OS9: variants seen among roughly 807,000 people sequenced by gnomAD.
The protein encoded by OS9 is OS9 endoplasmic reticulum lectin.
OS9 carries 58 observed loss-of-function variants against 84.7 expected under a neutral mutation model. That is an observed-to-expected ratio of 0.68 (90% CI 0.55 to 0.85). OS9 has a LOEUF of 0.85. Among genes scored for constraint, OS9 ranks in the 40% least tolerant of loss-of-function variants. OS9 has a pLI of 0.00. For synonymous variants in OS9, 278 were observed against 320.8 expected (o/e 0.87, Z 1.43); for missense variants, 760 against 850.9 (o/e 0.89, Z 1.33).
intron 5 of OS9, among the ~76,000 whole-genome samples, chr12:57,710,173 C>T (rs1056174053): frequency 6.6e-6 from 1 of 152,128 alleles, no homozygotes; most frequent in African/African-American, 2.4e-5. Context: ...TTTTTAACTA[C>T]TGATTCATTT....
Position 57,720,158 on chromosome 12 carries a change from A to C in OS9, c.1660A>C (p.Asn554His). The change falls in exon 13 of 15, where the codon AAT becomes CAT. Residue 554 changes from asparagine (N) to histidine (H), a missense_variant. Transcript: ENST00000315970. The part of the protein sequence containing the change: ...RVTKLRLGGP[N>H]QDLTVLEMKR... ...CACCAAGCTCCGTCTCGGAGGCCCT[A>C]ATCAGGATCTGACTGTCCTCGAGAT... 1 of 1,614,184 alleles carries C rather than the reference A, an allele frequency of 6.2e-7. No individual in the cohort carries two copies. Among genetic ancestry groups the C allele is most frequent in the Non-Finnish European group, 8.5e-7 (1 of 1,180,018 alleles).
chr12:57,708,179 G>T (rs1373732964), intron 5 of OS9, among the ~76,000 whole-genome samples: 2 of 152,072 alleles, frequency 1.3e-5, no homozygotes, highest in Non-Finnish European at 2.9e-5. Context: ...TGCTTAAAAG[G>T]TATACAGAGA....
At chr12:57,717,773 A>G (rs968393051) in intron 9 of OS9, 97 bp from the exon 10 acceptor site, 1 of 845,164 alleles carries the variant, frequency 1.2e-6, no homozygotes, top group African/African-American at 2.0e-5. Context: ...AGCTTGGGTG[A>G]CAGTGCAAGA....
chr12:57,710,442 C>G (rs534784082), intron 5 of OS9, among the ~76,000 whole-genome samples: 3 of 152,172 alleles, frequency 2.0e-5, no homozygotes, highest in African/African-American at 7.2e-5. Context: ...TTCAAAGAAA[C>G]AATTTTTGGC....
chr12:57,719,936 G>A, intron 12 of OS9, 163 bp from the exon 13 acceptor site: 1 of 649,388 alleles, frequency 1.5e-6, no homozygotes, highest in East Asian at 2.6e-5. Context: ...AGGCTGAACT[G>A]GGAGGGGCGG....
Position 57,695,800 on chromosome 12 carries a change from T to C in OS9, c.360T>C (p.Tyr120=), listed in dbSNP as rs1452906978. 7 of 1,610,766 alleles carry C rather than the reference T, an allele frequency of 4.3e-6. No homozygotes were observed. The highest frequency in any genetic ancestry group is 5.1e-6 in the Non-Finnish European group (6 of 1,177,042). ...GTCAGACAAAGGACTGGTGGACATA[T>C]GAATTCTGTTATGGACGCCACATCC... ...CLLKTKDWWT[Y]EFCYGRHIQQ... The change falls in exon 3 of 15, where the codon TAT becomes TAC. Residue 120 remains tyrosine (Y), a synonymous_variant. Coordinates refer to ENST00000315970, the MANE Select transcript of OS9 (RefSeq NM_006812.4).
chr12:57,706,046 C>T (rs1280593227), intron 5 of OS9, among the ~76,000 whole-genome samples: 1 of 152,182 alleles, frequency 6.6e-6, no homozygotes, highest in Non-Finnish European at 1.5e-5. Context: ...TCGAGTGCAA[C>T]AGAAGTGGCA....
intron 5 of OS9, among the ~76,000 whole-genome samples, chr12:57,707,213 G>T (rs951305413): frequency 6.2e-4 from 95 of 152,078 alleles, no homozygotes; most frequent in African/African-American, 2.2e-3. Flanking sequence ...CCACCTTTTG[G>T]TTTTGTTTAT....
intron 5 of OS9, 73 bp downstream of exon 5, chr12:57,696,446 TA>T: frequency 4.5e-6 from 1 of 220,478 alleles, no homozygotes; most frequent in Non-Finnish European, 8.1e-6. Context: ...GGTTGCATCT[TA>T]TAGTCGGGGC....
rs1565767156 is a variant in OS9, at chr12:57,697,926, C to CAA, written c.579+1554_579+1555insAA. On this transcript the variant is annotated intron_variant, in intron 5 of 14. Coordinates refer to ENST00000315970, the MANE Select transcript of OS9 (RefSeq NM_006812.4). ...ATAAGCAAACACACACACACACATACACACACACACACACACACACACACA... is the reference window on the plus strand; with the variant it reads ...ATAAGCAAACACACACACACACATACAAACACACACACACACACACACACACA... 9.8e-3 allele frequency among the ~76,000 whole-genome samples: 772 copies of CAA among 79,080 alleles called. 24 individuals are homozygous for CAA. The highest frequency in any genetic ancestry group is 0.033 in the African/African-American group (715 of 21,644). 51.9% of individuals were successfully genotyped at this position (79,080 alleles called of 152,430 possible). A position where few individuals can be genotyped will look rare whatever the true frequency, so the allele number is the denominator to read the frequency against.
chr12:57,694,987 G>GCTA, intron 2 of OS9, 61 bp downstream of exon 2: 1 of 1,481,858 alleles, frequency 6.7e-7, no homozygotes, highest in Non-Finnish European at 9.4e-7. Flanking sequence ...TCCAAGAACT[G>GCTA]GAGTCCACTG....
At chr12:57,719,270 C>T (rs1213839209) in intron 12 of OS9, 88 bp downstream of exon 12, 4 of 1,160,336 alleles carry the variant, frequency 3.4e-6, no homozygotes, top group Non-Finnish European at 5.0e-6. Context: ...CCTGTTCCTT[C>T]CCTTCTGAGG....
At chr12:57,719,816 A>G in intron 12 of OS9, 1 of 321,106 alleles carries the variant, frequency 3.1e-6, no homozygotes. Context: ...TTGTTGGTGC[A>G]GGTGGCCTGA....
intron 5 of OS9, among the ~76,000 whole-genome samples, chr12:57,697,945 A>AAG (rs1953913293): frequency 8.8e-6 from 1 of 113,210 alleles, no homozygotes; most frequent in African/African-American, 2.8e-5. Context: ...ACACACACAC[A>AAG]CACACACACA....
rs1954555076 is a variant in OS9, at chr12:57,717,978, A to G, written c.1134+20A>G. On this transcript the variant is annotated intron_variant, in intron 10 of 14. Coordinates refer to ENST00000315970, the MANE Select transcript of OS9 (RefSeq NM_006812.4). ...AAAAAGGTATAGGCCGTGCTTAGGG[A>G]ATGGGTAGAACCCACCTCCCAACTG... 3 of 1,592,864 alleles carry G rather than the reference A, an allele frequency of 1.9e-6. No homozygotes were observed. In the Admixed American group the frequency reaches 5.4e-5, roughly 28 times the overall value.
At position 57,721,370 on chromosome 12, in the gene OS9, T is replaced by C. The variant is rs1954675896; in HGVS notation, c.*461T>C. 1 of 164,092 alleles carries C rather than the reference T, an allele frequency of 6.1e-6. No individual in the cohort carries two copies. Among genetic ancestry groups the C allele is most frequent in the Non-Finnish European group, 1.3e-5 (1 of 74,790 alleles). The allele number at this position is 164,092 out of a possible 1,614,324, so 10.2% of individuals were successfully genotyped here. ...TCTATTGAATTGCCTTGGGATTTCC[T>C]TCTCCCTTTCCCTGCCCACCCTGTC... On this transcript the variant is annotated 3_prime_UTR_variant, in exon 15 of 15. Transcript: ENST00000315970.
chr12:57,715,773 A>G lies in OS9; in HGVS notation c.593A>G (p.Glu198Gly), dbSNP rs553683392. 8.1e-6 allele frequency: 13 copies of G among 1,606,168 alleles called. 1 individual carries two copies. In the South Asian group the frequency reaches 1.3e-4, roughly 16 times the overall value. ...REAEVRFLCD[E>G]GAGISGDYID... The stretch of plus-strand genomic sequence containing the variant: ...CTGTCCTGGCAGTTCCTCTGTGACG[A>G]GGGTGCAGGTATCTCTGGGGACTAC... Residue 198 changes from glutamate (E) to glycine (G), a missense_variant, in exon 6 of 15, where the codon GAG becomes GGG. Glu to Gly is a moderately conservative substitution (Grantham distance 98, BLOSUM62 -2). Coordinates refer to ENST00000315970, the MANE Select transcript of OS9 (RefSeq NM_006812.4).
intron 2 of OS9, 70 bp downstream of exon 2, chr12:57,694,996 T>C (rs1325288810): frequency 7.1e-7 from 1 of 1,405,942 alleles, no homozygotes; most frequent in South Asian, 1.2e-5. Context: ...TGGAGTCCAC[T>C]GAATGAGGCA....
chr12:57,705,774 C>T (rs1014403969), intron 5 of OS9, among the ~76,000 whole-genome samples: 5 of 152,156 alleles, frequency 3.3e-5, no homozygotes, highest in African/African-American at 9.7e-5. Flanking sequence ...GATCCACCGT[C>T]GGCCTACTAA....
Sources: gnomAD v4.1 joint callset for allele counts (sites outside exome capture counted in the v4.1 genomes callset) on GRCh38, gnomAD v4.1.1 for gene constraint, MANE v1.5 for transcripts, NCBI Gene and HGNC (gene_info 2026-07-23, HGNC 2026-07-21) for gene names.